The following OSBPL5 variants were observed in gnomAD, a reference collection of about 807,000 sequenced individuals.
OSBPL5 encodes the protein oxysterol binding protein like 5.
In OSBPL5, 71 loss-of-function variants were observed where a neutral mutation model predicts 111.2. The ratio of observed to expected loss-of-function variants is 0.64; its 90% CI spans 0.53 to 0.78. OSBPL5 has a LOEUF of 0.78. OSBPL5 is among the 30% of genes least tolerant of loss of function. The pLI, the probability that OSBPL5 is intolerant of heterozygous loss-of-function variation, is 0.00. For missense variants in OSBPL5, 1,210 were observed against 1,189.3 expected, an observed-to-expected ratio of 1.02 and a Z score of -0.26; for synonymous variants, 549 against 513.9, an observed-to-expected ratio of 1.07 and a Z score of -0.93.
rs552010370 is a variant in OSBPL5 at position 3,113,737 on chromosome 11, G to C, written c.692-5792C>G. Among the ~76,000 whole-genome samples the C allele has an allele frequency of 2.0e-5, 3 of 152,258 alleles. No individual in the cohort carries two copies. In the East Asian group the frequency reaches 5.8e-4, roughly 29 times the overall value. On this transcript the variant is annotated intron_variant, in intron 7 of 21. Transcript: ENST00000263650. The surrounding 1 kb of genome is among the most constrained non-coding windows in gnomAD (Gnocchi z 4.8). ...GATTACCATAACTTCTAATCTGGTG[G>C]CTTTAGGTAGTCTAGTCCACAGGCA...
At chr11:3,114,482 T>C (rs1160130369) in intron 7 of OSBPL5, among the ~76,000 whole-genome samples, 2 of 151,986 alleles carry the variant, frequency 1.3e-5, no homozygotes, top group Admixed American at 1.3e-4. Context: ...AAAAAACCCT[T>C]TTATATGATC....
intron 7 of OSBPL5, among the ~76,000 whole-genome samples, chr11:3,108,808 G>A (rs1410806012): frequency 6.6e-6 from 1 of 152,190 alleles, no homozygotes. Flanking sequence ...TGCTCTTGTT[G>A]CCCAGGTGGG....
At position 3,104,416 on chromosome 11, in the gene OSBPL5, A is replaced by G. The variant is rs764384144; in HGVS notation, c.1060-39T>C. 4 of 1,591,642 alleles carry G rather than the reference A, an allele frequency of 2.5e-6. No individual in the cohort carries two copies. The highest frequency in any genetic ancestry group is 1.1e-5 in the South Asian group (1 of 90,016). On this transcript the variant is annotated intron_variant, in intron 9 of 21. Transcript: ENST00000263650. This position sits in a 1 kb window ranked among gnomAD's most constrained non-coding sequence, Gnocchi z 5.0. ...GCTGCAGTCAGGCCCTGCCCGGAAG[A>G]GCCGGGAGGAAGGGGTGGCGGGACA...
rs902783379 is a variant in OSBPL5 at position 3,110,330 on chromosome 11, A to G, written c.692-2385T>C. 2.0e-5 allele frequency among the ~76,000 whole-genome samples: 3 copies of G among 152,162 alleles called. No individual in the cohort carries two copies. The highest frequency in any genetic ancestry group is 2.9e-5 in the Non-Finnish European group (2 of 68,024). On this transcript the variant is annotated intron_variant, in intron 7 of 21. Coordinates refer to ENST00000263650, the MANE Select transcript of OSBPL5 (RefSeq NM_020896.4). The surrounding 1 kb of genome is among the most constrained non-coding windows in gnomAD (Gnocchi z 5.3). ...GAGGGCGAGGTGGGGTAGGGCCCCAACCTCAGGTTAGAGGGAGGAACGGCC... is the reference window on the plus strand; with the variant it reads ...GAGGGCGAGGTGGGGTAGGGCCCCAGCCTCAGGTTAGAGGGAGGAACGGCC...
In OSBPL5 at chr11:3,162,573, T is replaced by C. The variant is rs557520199; in HGVS notation, c.-22+2643A>G. ...AGAACAACGCGGTCCTTAGTCCAAG[T>C]CCTTTGTACTCGACCGCCAACCCTA... On this transcript the variant is annotated intron_variant, in intron 1 of 21. Transcript: ENST00000263650. The surrounding 1 kb of genome is among the most constrained non-coding windows in gnomAD (Gnocchi z 8.1). Among the ~76,000 whole-genome samples the C allele has an allele frequency of 4.6e-5, 7 of 151,924 alleles. No individual in the cohort carries two copies. The East Asian group carries it at 1.2e-3, about 25-fold the overall frequency.
At chr11:3,129,470 G>A (rs562702723) in intron 1 of OSBPL5, 205 of 207,944 alleles carry the variant, frequency 9.9e-4, no homozygotes, top group African/African-American at 4.5e-3. Context: ...CCCACCCCAG[G>A]TTCTGTGAGA....
In OSBPL5 at chr11:3,106,363, A is replaced by G. The variant is rs2134421983; in HGVS notation, c.1059+900T>C. ...TCTCGCCTCCCGGGTGAGAATGACA[A>G]GATCCCAGATCACAGAGCCCCCCGT... On this transcript the variant is annotated intron_variant, in intron 9 of 21. Coordinates refer to ENST00000263650, the MANE Select transcript of OSBPL5 (RefSeq NM_020896.4). The surrounding 1 kb of genome is among the most constrained non-coding windows in gnomAD (Gnocchi z 8.4). Among the ~76,000 whole-genome samples the G allele has an allele frequency of 6.6e-6, 1 of 152,190 alleles. No individual in the cohort carries two copies. The highest frequency in any genetic ancestry group is 3.4e-3 in the Middle Eastern group (1 of 294).
chr11:3,119,130 C>G (rs1275829067), intron 7 of OSBPL5, among the ~76,000 whole-genome samples: 1 of 152,046 alleles, frequency 6.6e-6, no homozygotes, highest in Non-Finnish European at 1.5e-5. Flanking sequence ...CTGTCTCAGT[C>G]TCCCGAGTAG....
At position 3,162,659 on chromosome 11, in the gene OSBPL5, C is replaced by T. The variant is rs986011149; in HGVS notation, c.-22+2557G>A. On this transcript the variant is annotated intron_variant, in intron 1 of 21. Transcript: ENST00000263650. This position sits in a 1 kb window ranked among gnomAD's most constrained non-coding sequence, Gnocchi z 8.1. ...ATCTCCACGGGAAAGGTTACCCAGC[C>T]GTGGCCAAGACCCAGCCACCAAGGC... is the stretch of plus-strand genomic sequence containing the variant. 5.9e-5 allele frequency among the ~76,000 whole-genome samples: 9 copies of T among 151,956 alleles called. No individual in the cohort carries two copies. The highest frequency in any genetic ancestry group is 5.8e-4 in the East Asian group (3 of 5,146).
intron 1 of OSBPL5, among the ~76,000 whole-genome samples, chr11:3,158,571 C>G (rs760672183): frequency 4.6e-5 from 7 of 152,256 alleles, no homozygotes; most frequent in African/African-American, 9.6e-5. Flanking sequence ...ACCCCACGTG[C>G]AGAAGCTAGA....
chr11:3,151,873 G>A (rs547859766), intron 1 of OSBPL5, among the ~76,000 whole-genome samples: 2 of 152,366 alleles, frequency 1.3e-5, no homozygotes, highest in Non-Finnish European at 2.9e-5. Flanking sequence ...ACAGCTGCCT[G>A]TTCCTCCGGC....
At chr11:3,139,916 C>A (rs1846055240) in intron 1 of OSBPL5, among the ~76,000 whole-genome samples, 1 of 152,224 alleles carries the variant, frequency 6.6e-6, no homozygotes, top group African/African-American at 2.4e-5. Flanking sequence ...CACAGCCTGG[C>A]CTGTGGTTGG....
At chr11:3,119,512 G>A (rs1485294214) in intron 7 of OSBPL5, 35 bp downstream of exon 7, 5 of 1,552,482 alleles carry the variant, frequency 3.2e-6, no homozygotes, top group Middle Eastern at 1.7e-4. Context: ...TCAGGTGGGG[G>A]CACTGGGGAG....
At chr11:3,120,395 T>A (rs1474462657) in intron 6 of OSBPL5, 26 bp downstream of exon 6, 1 of 1,601,880 alleles carries the variant, frequency 6.2e-7, no homozygotes. Flanking sequence ...GGGGCCTCTG[T>A]CTTCAACCCC....
chr11:3,119,582 C>T lies in OSBPL5; in HGVS notation c.656G>A (p.Ser219Asn). ...VGSITQPLPS[S>N]YLIFRAASES... ...GGAGGCGGCCCTGAAGATCAGGTAG[C>T]TGCTGGGCAGGGGCTGTGTGATGGA... is the stretch of plus-strand genomic sequence containing the variant. Residue 219 changes from serine (S) to asparagine (N), a missense_variant, in exon 7 of 22, where the codon AGC (serine) becomes AAC (asparagine). Coordinates refer to ENST00000263650, the MANE Select transcript of OSBPL5 (RefSeq NM_020896.4). 2 of 1,578,518 alleles carry T rather than the reference C, an allele frequency of 1.3e-6. No individual in the cohort carries two copies. The highest frequency in any genetic ancestry group is 2.4e-5 in the East Asian group (1 of 41,602).
In OSBPL5 at chr11:3,103,469, A is replaced by C. The variant is rs1034382921; in HGVS notation, c.1245-149T>G. 1.5e-5 allele frequency: 10 copies of C among 658,798 alleles called. No individual in the cohort carries two copies. In the African/African-American group the frequency reaches 1.8e-4, roughly 12 times the overall value. The allele number at this position is 658,798 out of a possible 1,614,324, so 40.8% of individuals were successfully genotyped here. On this transcript the variant is annotated intron_variant, in intron 10 of 21. Coordinates refer to ENST00000263650, the MANE Select transcript of OSBPL5 (RefSeq NM_020896.4). ...CCAGGCGCTCTGGTCACCCCCAAGC[A>C]GGATAATTTTCTCTGGGGAAGTGGG...
intron 14 of OSBPL5, among the ~76,000 whole-genome samples, chr11:3,095,310 C>CAAAAA (rs60973769): frequency 8.5e-5 from 9 of 105,514 alleles, no homozygotes; most frequent in Admixed American, 3.0e-4. Context: ...GACTCTGTCT[C>CAAAAA]AAAAAAAAAA....
rs1428465389 is a variant in OSBPL5 at position 3,113,537 on chromosome 11, C to T, written c.692-5592G>A. ...AGGTGTGTTGGCAGGCACCTGTAAT[C>T]CCAGCTACTCGTGAGGCTGAGGCAG... On this transcript the variant is annotated intron_variant, in intron 7 of 21. Coordinates refer to ENST00000263650, the MANE Select transcript of OSBPL5 (RefSeq NM_020896.4). The surrounding 1 kb of genome is among the most constrained non-coding windows in gnomAD (Gnocchi z 4.8). Among the ~76,000 whole-genome samples the T allele has an allele frequency of 6.6e-6, 1 of 152,084 alleles. No homozygotes were observed. Among genetic ancestry groups the T allele is most frequent in the Non-Finnish European group, 1.5e-5 (1 of 68,008 alleles).
Position 3,104,059 on chromosome 11 carries a change from C to T in OSBPL5, c.1244+134G>A. On this transcript the variant is annotated intron_variant, in intron 10 of 21. Transcript: ENST00000263650. This position sits in a 1 kb window ranked among gnomAD's most constrained non-coding sequence, Gnocchi z 5.0. ...AGGGCCCCCTGGGAGGCTACAGCTG[C>T]AGAAACAGTGGGCTGAGATCAGCCA... 1 of 1,145,582 alleles carries T rather than the reference C, an allele frequency of 8.7e-7. No individual in the cohort carries two copies. Among genetic ancestry groups the T allele is most frequent in the Non-Finnish European group, 1.2e-6 (1 of 825,770 alleles). 71.0% of individuals were successfully genotyped at this position (1,145,582 alleles called of 1,614,324 possible). A position where few individuals can be genotyped will look rare whatever the true frequency, so the allele number is the denominator to read the frequency against.
Sources: allele counts gnomAD v4.1 joint callset (sites outside exome capture counted in the v4.1 genomes callset), GRCh38; gene constraint gnomAD v4.1.1; non-coding constraint Gnocchi (gnomAD v3.1); transcripts MANE v1.5; gene names NCBI Gene and HGNC (gene_info 2026-07-23, HGNC 2026-07-21).